Variants in UNC13C observed in about 807,000 individuals in gnomAD.
UNC13C encodes the protein protein unc-13 homolog C.
In UNC13C, 174 loss-of-function variants were observed where a neutral mutation model predicts 245.4. The observed-to-expected ratio is 0.71, with a 90% CI of 0.63 to 0.80. The LOEUF (loss-of-function observed/expected upper bound fraction) is 0.80. Among genes scored for constraint, UNC13C ranks in the 30% least tolerant of loss-of-function variants. The probability of loss-of-function intolerance (pLI) is 0.00; values close to 1 mark genes in which losing one functional copy is unlikely to be tolerated. For synonymous variants in UNC13C, 992 were observed against 895.1 expected (o/e 1.11, Z -1.93); for missense variants, 2,829 against 2,602.9 (o/e 1.09, Z -1.89).
intron 17 of UNC13C, among the ~76,000 whole-genome samples, chr15:54,364,374 C>T (rs535570496): frequency 1.3e-5 from 2 of 152,190 alleles, no homozygotes; most frequent in East Asian, 3.9e-4. Context: ...TAAGTATTTA[C>T]ACTCAGAGCT....
chr15:54,620,139 A>G (rs1032271269), intron 30 of UNC13C, among the ~76,000 whole-genome samples: 2 of 152,244 alleles, frequency 1.3e-5, no homozygotes, highest in South Asian at 2.1e-4. Context: ...ATGTATTTTG[A>G]GAGTCTAGTA....
chr15:54,187,178 A>C (rs906225829), intron 4 of UNC13C, among the ~76,000 whole-genome samples: 1 of 152,146 alleles, frequency 6.6e-6, no homozygotes, highest in Admixed American at 6.6e-5. Flanking sequence ...AATTAGATCA[A>C]AATTATAATG....
intron 2 of UNC13C, among the ~76,000 whole-genome samples, chr15:54,055,553 C>T (rs1039677782): frequency 1.3e-5 from 2 of 152,090 alleles, no homozygotes; most frequent in African/African-American, 4.8e-5. Flanking sequence ...AGTTTGTAGC[C>T]ATGTCTAGAC....
chr15:53,930,558 GAATACACAAACTA>G, the UNC13C span, among the ~76,000 whole-genome samples: 1 of 152,102 alleles, frequency 6.6e-6, no homozygotes, highest in South Asian at 2.1e-4. Context: ...TTAAAAATCT[GAATACACAAACTA>G]AATACACAAA....
intron 2 of UNC13C, among the ~76,000 whole-genome samples, chr15:54,076,715 C>T (rs1170657166): frequency 6.6e-6 from 1 of 152,132 alleles, no homozygotes; most frequent in Non-Finnish European, 1.5e-5. Flanking sequence ...TTACCCACCA[C>T]CCAACACACA....
At chr15:54,127,684 A>T (rs1039245751) in intron 2 of UNC13C, among the ~76,000 whole-genome samples, 1 of 149,984 alleles carries the variant, frequency 6.7e-6, no homozygotes, top group Non-Finnish European at 1.5e-5. Context: ...CTGCACATGT[A>T]TCCCAGAACT....
intron 17 of UNC13C, among the ~76,000 whole-genome samples, chr15:54,348,030 C>G (rs11638833): frequency 0.064 from 9,745 of 152,142 alleles, 388 homozygotes; most frequent in Admixed American, 0.11. Context: ...ACCAGATTGT[C>G]TAAATGTAAT....
intron 13 of UNC13C, among the ~76,000 whole-genome samples, chr15:54,316,876 A>T (rs958885767): frequency 3.3e-5 from 5 of 151,868 alleles, no homozygotes; most frequent in Non-Finnish European, 5.9e-5. Flanking sequence ...TGCCTCTATG[A>T]TTGCACTTTC....
At chr15:54,212,039 G>A (rs943405782) in intron 4 of UNC13C, among the ~76,000 whole-genome samples, 1 of 152,054 alleles carries the variant, frequency 6.6e-6, no homozygotes, top group African/African-American at 2.4e-5. Context: ...CTTACACAAG[G>A]AGGCTAAGTG....
At chr15:54,222,215 C>T (rs1350928408) in intron 4 of UNC13C, among the ~76,000 whole-genome samples, 2 of 151,756 alleles carry the variant, frequency 1.3e-5, no homozygotes, top group Non-Finnish European at 2.9e-5. Flanking sequence ...TTTTTGTACC[C>T]ATTAACCATT....
chr15:54,348,230 G>T (rs1041711596), intron 17 of UNC13C, among the ~76,000 whole-genome samples: 1 of 151,952 alleles, frequency 6.6e-6, no homozygotes. Context: ...TAAAAAATTC[G>T]GTATGGTCTC....
chr15:54,034,990 C>T (rs937465555), intron 2 of UNC13C, among the ~76,000 whole-genome samples: 1 of 152,182 alleles, frequency 6.6e-6, no homozygotes, highest in African/African-American at 2.4e-5. Flanking sequence ...AAATGCCTCC[C>T]AGAAGATATA....
chr15:53,942,154 C>T, the UNC13C span, among the ~76,000 whole-genome samples: 1 of 152,126 alleles, frequency 6.6e-6, no homozygotes, highest in African/African-American at 2.4e-5. Context: ...GGAATCAATC[C>T]AAATGCCCTT....
chr15:54,527,292 C>G (rs1596519256), intron 25 of UNC13C, among the ~76,000 whole-genome samples: 1 of 152,064 alleles, frequency 6.6e-6, no homozygotes, highest in Non-Finnish European at 1.5e-5. Flanking sequence ...GTGTGTCTCT[C>G]TTTGTTCTAG....
chr15:54,499,359 C>T (rs1433538521), intron 20 of UNC13C, among the ~76,000 whole-genome samples: 2 of 152,108 alleles, frequency 1.3e-5, no homozygotes, highest in South Asian at 2.1e-4. Context: ...CCAGGCCCCA[C>T]CTCCAACATT....
At chr15:53,878,262 C>A in the UNC13C span, among the ~76,000 whole-genome samples, 1 of 152,118 alleles carries the variant, frequency 6.6e-6, no homozygotes, top group East Asian at 1.9e-4. Context: ...CACCGCCAAA[C>A]CTCAAACCAA....
chr15:54,591,876 C>G (rs576467579), intron 30 of UNC13C, among the ~76,000 whole-genome samples: 2 of 151,906 alleles, frequency 1.3e-5, no homozygotes, highest in African/African-American at 4.8e-5. Context: ...TCCTTGATGC[C>G]TGACCTTAGA....
chr15:54,145,082 G>A (rs1001849287), intron 4 of UNC13C, among the ~76,000 whole-genome samples: 3 of 151,864 alleles, frequency 2.0e-5, no homozygotes, highest in South Asian at 2.1e-4. Flanking sequence ...ATGAGCCACC[G>A]TGCCTGGCAA....
intron 1 of UNC13C, among the ~76,000 whole-genome samples, chr15:53,982,112 A>G (rs1893950814): frequency 1.3e-5 from 2 of 152,240 alleles, no homozygotes; most frequent in Non-Finnish European, 2.9e-5. Flanking sequence ...ATCATAAAAG[A>G]TGGGCTTCCC....
Sources: gnomAD v4.1 joint callset for allele counts (sites outside exome capture counted in the v4.1 genomes callset) on GRCh38, gnomAD v4.1.1 for gene constraint, MANE v1.5 for transcripts, NCBI Gene and HGNC (gene_info 2026-07-23, HGNC 2026-07-21) for gene names.